SOS2: variants seen among roughly 807,000 people sequenced by gnomAD.
SOS2 encodes the protein son of sevenless homolog 2.
In SOS2, 65 loss-of-function variants were observed where a neutral mutation model predicts 148.2. The observed-to-expected ratio is 0.44, with a 90% CI of 0.36 to 0.54. SOS2 has a LOEUF of 0.54. Ranked by LOEUF, SOS2 falls within the 20% of genes least tolerant of loss-of-function variation. The pLI, the probability that SOS2 is intolerant of heterozygous loss-of-function variation, is 0.00. For synonymous variants in SOS2, 539 were observed against 537.1 expected, an observed-to-expected ratio of 1.00 and a Z score of -0.05; for missense variants, 1,341 against 1,590.2, an observed-to-expected ratio of 0.84 and a Z score of 2.67.
chr14:50,140,597 T>C (rs569861567), intron 16 of SOS2, among the ~76,000 whole-genome samples: 1 of 152,324 alleles, frequency 6.6e-6, no homozygotes, highest in Admixed American at 6.5e-5. Context: ...GCGAACACTA[T>C]GCTTGATGGA....
At chr14:50,150,293 T>A in intron 13 of SOS2, 63 bp from the exon 14 acceptor site, 1 of 1,118,152 alleles carries the variant, frequency 8.9e-7, no homozygotes, top group Non-Finnish European at 1.3e-6. Context: ...CAAATCTTCA[T>A]TTAATCCTTA....
chr14:50,173,405 T>C (rs1212653334), intron 8 of SOS2, among the ~76,000 whole-genome samples: 1 of 152,138 alleles, frequency 6.6e-6, no homozygotes, highest in Non-Finnish European at 1.5e-5. Flanking sequence ...CAGCATTTGA[T>C]GCTGGAGGTA....
In SOS2 at chr14:50,209,745, G is replaced by A. The variant is rs1341548568; in HGVS notation, c.88-5336C>T. Among the ~76,000 whole-genome samples the A allele has an allele frequency of 2.8e-5, 3 of 105,926 alleles. No homozygotes were observed. The East Asian group carries it at 8.2e-4, about 29-fold the overall frequency. The allele number at this position is 105,926 out of a possible 152,430, so 69.5% of individuals were successfully genotyped here. A position where few individuals can be genotyped will look rare whatever the true frequency, so the allele number is the denominator to read the frequency against. ...TGCACTCCAGCTTGGGTGAGAGTGA[G>A]ACCTTGTCTCAAAAAAAAAAAAATT... is the stretch of plus-strand genomic sequence containing the variant. On this transcript the variant is annotated intron_variant, in intron 1 of 22. Transcript: ENST00000216373.
chr14:50,172,434 C>CTTTTTTTT (rs1885396838), intron 8 of SOS2, among the ~76,000 whole-genome samples: 1 of 118,334 alleles, frequency 8.5e-6, no homozygotes, highest in Non-Finnish European at 1.6e-5. Context: ...TTTTTTTTTT[C>CTTTTTTTT]TGAGATGGAG....
chr14:50,159,920 G>C lies in SOS2; in HGVS notation c.1363C>G (p.His455Asp). 1 of 1,614,064 alleles carries C rather than the reference G, an allele frequency of 6.2e-7. No individual in the cohort carries two copies. The highest frequency in any genetic ancestry group is 8.5e-7 in the Non-Finnish European group (1 of 1,179,996). Residue 455 changes from histidine (H) to aspartate (D), a missense_variant, in exon 10 of 23, where the codon CAT becomes GAT. His to Asp is a moderately conservative substitution (Grantham distance 81, BLOSUM62 -1). Transcript: ENST00000216373. ...EGPLTRIGAK[H>D]ERHIFLFDGL... Reference sequence around the variant, plus strand: ...TCAAACAGAAAAATATGCCGTTCATGTTTGGCACCGATTCTTGTCAATGGT... The same window carrying C: ...TCAAACAGAAAAATATGCCGTTCATCTTTGGCACCGATTCTTGTCAATGGT...
At chr14:50,164,277 A>C (rs776000699) in intron 8 of SOS2, among the ~76,000 whole-genome samples, 44 of 151,972 alleles carry the variant, frequency 2.9e-4, no homozygotes, top group Admixed American at 5.3e-4. Context: ...TTGTCTCTAC[A>C]AAAAATACAA....
At chr14:50,209,638 A>G (rs1886799129) in intron 1 of SOS2, among the ~76,000 whole-genome samples, 1 of 152,028 alleles carries the variant, frequency 6.6e-6, no homozygotes, top group Non-Finnish European at 1.5e-5. Flanking sequence ...ACGCAACTGT[A>G]GTCCCAGCTA....
At chr14:50,159,291 T>C (rs1884923016) in intron 10 of SOS2, 140 bp downstream of exon 10, 1 of 553,244 alleles carries the variant, frequency 1.8e-6, no homozygotes, top group South Asian at 3.1e-5. Context: ...CCTTCTCTTA[T>C]TTATTCCTTT....
intron 8 of SOS2, among the ~76,000 whole-genome samples, chr14:50,171,962 G>A (rs1414628189): frequency 6.9e-6 from 1 of 145,396 alleles, no homozygotes; most frequent in Non-Finnish European, 1.5e-5. Flanking sequence ...CCTGCATTTT[G>A]TTTCTTTAGA....
At chr14:50,230,080 A>G (rs73291673) in intron 1 of SOS2, among the ~76,000 whole-genome samples, 30,035 of 152,172 alleles carry the variant, frequency 0.2, 3,195 homozygotes, top group East Asian at 0.48. Flanking sequence ...GCCCTGAGGA[A>G]AGCAATACTT....
chr14:50,224,639 C>T (rs920060074), intron 1 of SOS2, among the ~76,000 whole-genome samples: 1 of 152,010 alleles, frequency 6.6e-6, no homozygotes, highest in Non-Finnish European at 1.5e-5. Context: ...AATCCCAGAA[C>T]TTTGGGAGGC....
At chr14:50,207,514 A>G (rs1886701794) in intron 1 of SOS2, among the ~76,000 whole-genome samples, 1 of 152,088 alleles carries the variant, frequency 6.6e-6, no homozygotes, top group African/African-American at 2.4e-5. Context: ...TCATCTCTAA[A>G]AGAAAACAAA....
intron 5 of SOS2, among the ~76,000 whole-genome samples, chr14:50,184,534 A>G (rs1409528229): frequency 6.6e-6 from 1 of 152,154 alleles, no homozygotes; most frequent in Non-Finnish European, 1.5e-5. Flanking sequence ...TGATAGGGCC[A>G]GTCACCAAAA....
chr14:50,196,334 A>G (rs1886309247), intron 4 of SOS2, among the ~76,000 whole-genome samples: 1 of 152,172 alleles, frequency 6.6e-6, no homozygotes, highest in Non-Finnish European at 1.5e-5. Context: ...GTATATATGT[A>G]TGGGGTAAAT....
chr14:50,171,149 C>T lies in SOS2; in HGVS notation c.1068+3305G>A, dbSNP rs187433916. Among the ~76,000 whole-genome samples, 97 of 151,586 alleles carry T rather than the reference C, an allele frequency of 6.4e-4. No individual in the cohort carries two copies. The Middle Eastern group carries it at 0.027, about 43-fold the overall frequency. On this transcript the variant is annotated intron_variant, in intron 8 of 22. Coordinates refer to ENST00000216373, the MANE Select transcript of SOS2 (RefSeq NM_006939.4). ...AAAGAAAAAGAAAAAGAAATTAACA[C>T]GGTTTGGTAAAGATGTGGAGAAATC...
chr14:50,133,979 C>G, intron 19 of SOS2, 144 bp downstream of exon 19: 1 of 635,576 alleles, frequency 1.6e-6, no homozygotes. Flanking sequence ...ATTTCCCCCC[C>G]CAGTTTTAGA....
chr14:50,144,558 C>T (rs1182047869), intron 16 of SOS2, among the ~76,000 whole-genome samples: 3 of 152,082 alleles, frequency 2.0e-5, no homozygotes, highest in Non-Finnish European at 4.4e-5. Context: ...CTGTCTCAGC[C>T]TCCGAAGTAG....
chr14:50,227,165 AG>A (rs1317524251), intron 1 of SOS2, among the ~76,000 whole-genome samples: 1 of 152,314 alleles, frequency 6.6e-6, no homozygotes, highest in East Asian at 1.9e-4. Context: ...AAAAAGCTAA[AG>A]AACACCACAT....
Position 50,231,264 on chromosome 14 carries a change from G to C in SOS2, c.20C>G (p.Pro7Arg), listed in dbSNP as rs755419078. Reference sequence around the variant, plus strand: ...GTTCTCCTCGCTGAAGAACTCGTAAGGCTGCGGCGCCTGCTGCATGGCCCC... The same window carrying C: ...GTTCTCCTCGCTGAAGAACTCGTAACGCTGCGGCGCCTGCTGCATGGCCCC... MQQAPQ[P>R]YEFFSEENSP... The change falls in exon 1 of 23, where the codon CCT becomes CGT. Residue 7 changes from proline (P) to arginine (R), a missense_variant. Around this residue, in one of 4 missense-constraint regions of SOS2, gnomAD observed 574 missense variants for 711.1 expected, o/e 0.81. Transcript: ENST00000216373. 2.0e-6 allele frequency: 3 copies of C among 1,480,498 alleles called. No individual in the cohort carries two copies. In the East Asian group the frequency reaches 7.9e-5, roughly 39 times the overall value. The allele number at this position is 1,480,498 out of a possible 1,614,324, so 91.7% of individuals were successfully genotyped here. A position where few individuals can be genotyped will look rare whatever the true frequency, so the allele number is the denominator to read the frequency against.
Sources: allele counts gnomAD v4.1 joint callset (sites outside exome capture counted in the v4.1 genomes callset), GRCh38; gene constraint gnomAD v4.1.1; regional missense constraint gnomAD v4.1.1; transcripts MANE v1.5; gene names NCBI Gene and HGNC (gene_info 2026-07-23, HGNC 2026-07-21).